The following UGCG variants were observed in gnomAD, a reference collection of about 807,000 sequenced individuals.
The protein encoded by UGCG is ceramide glucosyltransferase.
A neutral mutation model predicts 49.5 loss-of-function variants in UGCG; 10 were observed. The ratio of observed to expected loss-of-function variants is 0.20; its 90% CI spans 0.12 to 0.34. The LOEUF (loss-of-function observed/expected upper bound fraction) is 0.34. Ranked by LOEUF, UGCG falls within the 10% of genes least tolerant of loss-of-function variation. UGCG has a pLI of 1.00. For missense variants in UGCG, 312 were observed against 483.7 expected, an observed-to-expected ratio of 0.65 and a Z score of 3.33; for synonymous variants, 182 against 158.2, an observed-to-expected ratio of 1.15 and a Z score of -1.13.
rs1054176501 is a variant in UGCG, at chr9:111,933,785, T to A, written c.*788T>A. On this transcript the variant is annotated 3_prime_UTR_variant, in exon 9 of 9. Coordinates refer to ENST00000374279, the MANE Select transcript of UGCG (RefSeq NM_003358.3). Reference sequence around the variant, plus strand: ...CCATTGTTAATCACTGTGCTGTAATTAGTATAGCTAAATCTTTTCCTTCCT... The same window carrying A: ...CCATTGTTAATCACTGTGCTGTAATAAGTATAGCTAAATCTTTTCCTTCCT... 4 of 152,172 alleles carry A rather than the reference T, an allele frequency of 2.6e-5. No individual in the cohort carries two copies. The highest frequency in any genetic ancestry group is 5.9e-5 in the Non-Finnish European group (4 of 68,030). The allele number at this position is 152,172 out of a possible 1,614,324, so 9.4% of individuals were successfully genotyped here. A position where few individuals can be genotyped will look rare whatever the true frequency, so the allele number is the denominator to read the frequency against.
intron 1 of UGCG, among the ~76,000 whole-genome samples, chr9:111,911,594 A>G (rs528643296): frequency 1.2e-4 from 18 of 152,054 alleles, no homozygotes; most frequent in Admixed American, 2.0e-4. Flanking sequence ...TTTGAACCAT[A>G]TCAGTATATT....
intron 5 of UGCG, 103 bp downstream of exon 5, chr9:111,926,599 T>C (rs1838315907): frequency 3.7e-6 from 3 of 800,574 alleles, no homozygotes; most frequent in Non-Finnish European, 5.5e-6. Context: ...GTTAACTGTA[T>C]TAAGTCCATT....
intron 1 of UGCG, among the ~76,000 whole-genome samples, chr9:111,912,044 ATAT>A (rs1838020537): frequency 7.0e-6 from 1 of 141,948 alleles, no homozygotes; most frequent in Non-Finnish European, 1.5e-5. Flanking sequence ...ATATATATAT[ATAT>A]ATATATCCTG....
At chr9:111,898,322 G>A (rs1837704531) in intron 1 of UGCG, among the ~76,000 whole-genome samples, 1 of 151,830 alleles carries the variant, frequency 6.6e-6, no homozygotes, top group African/African-American at 2.4e-5. Flanking sequence ...TATAGTAATC[G>A]TTACCATGAA....
chr9:111,897,228 G>A lies in UGCG; in HGVS notation c.13G>A (p.Asp5Asn). Residue 5 changes from aspartate to asparagine, a missense_variant, in exon 1 of 9, where the codon GAC (aspartate) becomes AAC (asparagine). Around this residue, in one of 4 missense-constraint regions of UGCG, gnomAD observed 65 missense variants for 74.7 expected, o/e 0.87. Transcript: ENST00000374279. MALL[D>N]LALEGMAVFG... ...GGCGGGCCGGGGGATGGCGCTGCTG[G>A]ACCTGGCCTTGGAGGGAATGGCCGT... 6.5e-7 allele frequency: 1 copy of A among 1,549,682 alleles called. No homozygotes were observed.
chr9:111,930,470 GTT>G (rs35175614), intron 6 of UGCG, among the ~76,000 whole-genome samples: 196 of 132,952 alleles, frequency 1.5e-3, no homozygotes, highest in Middle Eastern at 3.8e-3. Context: ...TTTTGTTTTG[GTT>G]TTTTTTTTTT....
intron 6 of UGCG, among the ~76,000 whole-genome samples, chr9:111,930,238 A>G (rs2118600385): frequency 6.6e-6 from 1 of 152,310 alleles, no homozygotes; most frequent in South Asian, 2.1e-4. Context: ...TAAAGCGATT[A>G]AAAGTAAGTT....
intron 1 of UGCG, among the ~76,000 whole-genome samples, chr9:111,909,586 T>G (rs189042947): frequency 6.6e-6 from 1 of 152,352 alleles, no homozygotes; most frequent in African/African-American, 2.4e-5. Context: ...GGAATTCACC[T>G]GTTGCTTGTT....
chr9:111,934,887 T>G lies in UGCG; in HGVS notation c.*1890T>G, dbSNP rs1838491621. 1 of 152,224 alleles carries G rather than the reference T, an allele frequency of 6.6e-6. No individual in the cohort carries two copies. Among genetic ancestry groups the G allele is most frequent in the Admixed American group, 6.5e-5 (1 of 15,276 alleles). The allele number at this position is 152,224 out of a possible 1,614,324, so 9.4% of individuals were successfully genotyped here. On this transcript the variant is annotated 3_prime_UTR_variant, in exon 9 of 9. Coordinates refer to ENST00000374279, the MANE Select transcript of UGCG (RefSeq NM_003358.3). ...GTTGTGACCCACTACATGTTTTGTT[T>G]TTAATCACTATTACCTGAGTTGAAC...
intron 7 of UGCG, 130 bp downstream of exon 7, chr9:111,931,487 TAG>T: frequency 1.3e-6 from 1 of 770,570 alleles, no homozygotes; most frequent in South Asian, 1.9e-5. Flanking sequence ...TTGCAGAAAA[TAG>T]AGTTTAACGT....
At chr9:111,902,767 A>G (rs1485620614) in intron 1 of UGCG, among the ~76,000 whole-genome samples, 1 of 151,090 alleles carries the variant, frequency 6.6e-6, no homozygotes, top group Non-Finnish European at 1.5e-5. Flanking sequence ...TTAGAAACCT[A>G]GAGTGAAATT....
At chr9:111,930,263 A>G (rs1838400929) in intron 6 of UGCG, among the ~76,000 whole-genome samples, 1 of 152,158 alleles carries the variant, frequency 6.6e-6, no homozygotes. Context: ...TGTGTTTAGA[A>G]TTTTTACTAT....
intron 1 of UGCG, among the ~76,000 whole-genome samples, chr9:111,910,595 G>A (rs2131720778): frequency 6.6e-6 from 1 of 152,178 alleles, no homozygotes; most frequent in East Asian, 1.9e-4. Context: ...CCTAGAACTT[G>A]TGTGGTTCTT....
chr9:111,933,493 A>C lies in UGCG; in HGVS notation c.*496A>C, dbSNP rs1838463976. The C allele has an allele frequency of 6.6e-6, 1 of 152,218 alleles. No individual in the cohort carries two copies. Among genetic ancestry groups the C allele is most frequent in the African/African-American group, 2.4e-5 (1 of 41,450 alleles). 9.4% of individuals were successfully genotyped at this position (152,218 alleles called of 1,614,324 possible). A position where few individuals can be genotyped will look rare whatever the true frequency, so the allele number is the denominator to read the frequency against. On this transcript the variant is annotated 3_prime_UTR_variant, in exon 9 of 9. Transcript: ENST00000374279. ...ACAACACATGGCGAGGTACTAACTGAGAAACTTTTTCATGCTTTATGCCTA... is the reference window on the plus strand; with the variant it reads ...ACAACACATGGCGAGGTACTAACTGCGAAACTTTTTCATGCTTTATGCCTA...
At chr9:111,915,864 G>A in intron 2 of UGCG, 1 of 965,308 alleles carries the variant, frequency 1.0e-6, no homozygotes, top group African/African-American at 1.8e-5. Flanking sequence ...TCATTCAGTT[G>A]TATTTTTAGT....
intron 2 of UGCG, among the ~76,000 whole-genome samples, chr9:111,919,439 C>T (rs1328022000): frequency 4.6e-5 from 7 of 151,696 alleles, no homozygotes; most frequent in African/African-American, 7.3e-5. Context: ...GCCAAGATCA[C>T]GCCACTGCAC....
chr9:111,922,871 A>G lies in UGCG; in HGVS notation c.263A>G (p.Gln88Arg). The G allele has an allele frequency of 4.3e-6, 7 of 1,612,658 alleles. No individual in the cohort carries two copies. Among genetic ancestry groups the G allele is most frequent in the Non-Finnish European group, 5.1e-6 (6 of 1,179,434 alleles). ...TAGTATGAAGTGCTCCTTTGTGTAC[A>G]AGATCATGATGATCCAGCCATTGAT... is the stretch of plus-strand genomic sequence containing the variant. Reference protein sequence around the residue: ...YPKYEVLLCVQDHDDPAIDVC... With the variant: ...YPKYEVLLCVRDHDDPAIDVC... The change falls in exon 3 of 9, where the codon CAA (glutamine) becomes CGA (arginine). Residue 88 changes from glutamine (Q) to arginine (R), a missense_variant. By Grantham distance (43) the Gln-to-Arg change is conservative. Around this residue, in one of 4 missense-constraint regions of UGCG, gnomAD observed 64 missense variants for 67.6 expected, o/e 0.95. Transcript: ENST00000374279.
In UGCG at chr9:111,926,266, A is replaced by G. The variant is rs1227374732; in HGVS notation, c.446-118A>G. The G allele has an allele frequency of 3.3e-5, 20 of 614,094 alleles. No homozygotes were observed. The East Asian group carries it at 5.9e-4, about 18-fold the overall frequency. 38.0% of individuals were successfully genotyped at this position (614,094 alleles called of 1,614,324 possible). A position where few individuals can be genotyped will look rare whatever the true frequency, so the allele number is the denominator to read the frequency against. On this transcript the variant is annotated intron_variant, in intron 4 of 8. Coordinates refer to ENST00000374279, the MANE Select transcript of UGCG (RefSeq NM_003358.3). ...ATTTTATTAGATCCATATGTTTAAAATAATGTATTTTATTAAGAATGTAAT... is the reference window on the plus strand; with the variant it reads ...ATTTTATTAGATCCATATGTTTAAAGTAATGTATTTTATTAAGAATGTAAT...
chr9:111,909,200 A>G (rs1005922469), intron 1 of UGCG, among the ~76,000 whole-genome samples: 4 of 152,228 alleles, frequency 2.6e-5, no homozygotes, highest in East Asian at 1.9e-4. Flanking sequence ...AATTATAAGC[A>G]TGAGCCACTG....
Sources: gnomAD v4.1 joint callset for allele counts (sites outside exome capture counted in the v4.1 genomes callset) on GRCh38, gnomAD v4.1.1 for gene constraint, gnomAD v4.1.1 regional missense constraint, MANE v1.5 for transcripts, NCBI Gene and HGNC (gene_info 2026-07-23, HGNC 2026-07-21) for gene names.